Variants in SLC29A4 observed in about 807,000 individuals in gnomAD.
SLC29A4 encodes the protein equilibrative nucleoside transporter 4.
Under a neutral mutation model 43.9 loss-of-function variants are expected in SLC29A4, and 36 were observed. The ratio of observed to expected loss-of-function variants is 0.82; its 90% confidence interval spans 0.63 to 1.08. The LOEUF (loss-of-function observed/expected upper bound fraction) is 1.08. SLC29A4 is among the 50% of genes least tolerant of loss of function. SLC29A4 has a pLI of 0.00. For missense variants in SLC29A4, 869 were observed against 755.3 expected (o/e 1.15, Z -1.77); for synonymous variants, 491 against 338.0 (o/e 1.45, Z -4.97).
At chr7:5,300,691 G>T in intron 10 of SLC29A4, 29 bp downstream of exon 10, 2 of 1,598,906 alleles carry the variant, frequency 1.3e-6, no homozygotes, top group East Asian at 2.2e-5. Flanking sequence ...GGGGGTGGGG[G>T]CGTCCTCCCA....
intron 10 of SLC29A4, 137 bp downstream of exon 10, chr7:5,300,799 T>A: frequency 1.7e-6 from 2 of 1,211,752 alleles, no homozygotes; most frequent in Non-Finnish European, 2.2e-6. Context: ...TGGGAGGCCG[T>A]AGGTGTGGGG....
In SLC29A4 at chr7:5,303,100, T is replaced by C. The variant is rs1376568934; in HGVS notation, c.*161T>C. On this transcript the variant is annotated 3_prime_UTR_variant, in exon 11 of 11. Transcript: ENST00000396872. Reference sequence around the variant, plus strand: ...GGTCCAGCCATGCCCCACCCTGGACTGAAGTTCTGCAAAGTCCTCCGAGGA... The same window carrying C: ...GGTCCAGCCATGCCCCACCCTGGACCGAAGTTCTGCAAAGTCCTCCGAGGA... The C allele has an allele frequency of 3.5e-6, 3 of 848,640 alleles. No individual in the cohort carries two copies. Among genetic ancestry groups the C allele is most frequent in the Non-Finnish European group, 3.6e-6 (2 of 559,508 alleles). 52.6% of individuals were successfully genotyped at this position (848,640 alleles called of 1,614,324 possible).
At chr7:5,287,786 T>G in intron 1 of SLC29A4, 23 bp from the exon 2 acceptor site, 3 of 1,605,006 alleles carry the variant, frequency 1.9e-6, no homozygotes, top group Non-Finnish European at 2.5e-6. Context: ...CCTCACCTGC[T>G]CTCTCTGCTT....
chr7:5,298,797 C>A (rs1474104433), intron 7 of SLC29A4, among the ~76,000 whole-genome samples, 191 bp from the exon 8 acceptor site: 13 of 152,174 alleles, frequency 8.5e-5, no homozygotes, highest in Non-Finnish European at 1.5e-4. Flanking sequence ...AAGACCCTCT[C>A]TCTAAAACAA....
chr7:5,300,091 C>T (rs772740510), intron 9 of SLC29A4, among the ~76,000 whole-genome samples: 2 of 151,886 alleles, frequency 1.3e-5, no homozygotes, highest in Non-Finnish European at 2.9e-5. Context: ...ACTCAGCCAG[C>T]CGTGGTGGTG....
chr7:5,300,722 C>T lies in SLC29A4; in HGVS notation c.1450+60C>T, dbSNP rs189177262. 3.9e-4 allele frequency: 613 copies of T among 1,576,434 alleles called. 1 individual carries two copies. In the African/African-American group the frequency reaches 6.6e-3, roughly 17 times the overall value. On this transcript the variant is annotated intron_variant, in intron 10 of 10. Transcript: ENST00000396872. Reference sequence around the variant, plus strand: ...TCCCAGCAGCGCAATGCCCCCCTCGCGAGGAAACCCAGGCTAGACCGCAGG... The same window carrying T: ...TCCCAGCAGCGCAATGCCCCCCTCGTGAGGAAACCCAGGCTAGACCGCAGG...
intron 5 of SLC29A4, among the ~76,000 whole-genome samples, chr7:5,293,434 T>G (rs1366391749): frequency 6.6e-6 from 1 of 152,168 alleles, no homozygotes; most frequent in Non-Finnish European, 1.5e-5. Context: ...CCTCCCAAAG[T>G]GCTAGGATTA....
intron 7 of SLC29A4, among the ~76,000 whole-genome samples, chr7:5,298,325 G>T (rs1299162274): frequency 6.6e-6 from 1 of 152,202 alleles, no homozygotes; most frequent in Non-Finnish European, 1.5e-5. Flanking sequence ...CACAGGAAGC[G>T]TGTTGGGGCA....
chr7:5,299,546 G>C, intron 9 of SLC29A4, 119 bp downstream of exon 9: 2 of 1,160,786 alleles, frequency 1.7e-6, no homozygotes, highest in Non-Finnish European at 2.4e-6. Flanking sequence ...CAGGTGGAAA[G>C]GGCAAGAGCT....
chr7:5,302,868 C>G lies in SLC29A4; in HGVS notation c.1522C>G (p.Leu508Val). The change falls in exon 11 of 11, where the codon CTC becomes GTC. Residue 508 changes from leucine (L) to valine (V), a missense_variant. Physicochemically the swap from Leu to Val is conservative, Grantham distance 32. Coordinates refer to ENST00000396872, the MANE Select transcript of SLC29A4 (RefSeq NM_153247.4). The stretch of plus-strand genomic sequence containing the variant: ...CGCCGTGGCCTACTGCACCTACAGC[C>G]TCACCCGCGACGCTCACGGCAGCTG... ...GSAVAYCTYS[L>V]TRDAHGSCLH... is the part of the protein sequence containing the mutation. 1 of 1,602,756 alleles carries G rather than the reference C, an allele frequency of 6.2e-7. No individual in the cohort carries two copies. Among genetic ancestry groups the G allele is most frequent in the African/African-American group, 1.3e-5 (1 of 74,832 alleles).
intron 1 of SLC29A4, among the ~76,000 whole-genome samples, chr7:5,287,002 A>T (rs1784995470): frequency 6.6e-6 from 1 of 151,978 alleles, no homozygotes. Context: ...TCTATTTCTC[A>T]CCGTGCCCAC....
rs1181628983 is a variant in SLC29A4, at chr7:5,300,749, A to G, written c.1450+87A>G. 3 of 1,525,676 alleles carry G rather than the reference A, an allele frequency of 2.0e-6. No homozygotes were observed. The African/African-American group carries it at 4.2e-5, about 21-fold the overall frequency. 94.5% of individuals were successfully genotyped at this position (1,525,676 alleles called of 1,614,324 possible). The stretch of plus-strand genomic sequence containing the variant: ...AGGAAACCCAGGCTAGACCGCAGGA[A>G]GGTGCATTTGGGTTCCGGGGGTTCA... On this transcript the variant is annotated intron_variant, in intron 10 of 10. Coordinates refer to ENST00000396872, the MANE Select transcript of SLC29A4 (RefSeq NM_153247.4).
rs758156624 is a variant in SLC29A4, at chr7:5,299,023, C to T, written c.918C>T (p.Ser306=). The T allele has an allele frequency of 2.5e-6, 4 of 1,611,654 alleles. No homozygotes were observed. The highest frequency in any genetic ancestry group is 4.5e-5 in the East Asian group (2 of 44,860). ...HPAPALAPNE[S]PKDSPAHEVT... ...CCCCGGCCCTGGCCCCCAACGAGTC[C>T]CCAAAGGACAGCCCAGCCCACGAGG... Residue 306 remains serine (S), a synonymous_variant, in exon 8 of 11, where the codon TCC becomes TCT. Coordinates refer to ENST00000396872, the MANE Select transcript of SLC29A4 (RefSeq NM_153247.4).
intron 6 of SLC29A4, 109 bp downstream of exon 6, chr7:5,295,043 C>A: frequency 1.0e-6 from 1 of 1,000,650 alleles, no homozygotes; most frequent in Admixed American, 2.5e-5. Context: ...GGGAGGCTCA[C>A]AATCCCTGGG....
chr7:5,294,949 AC>A lies in SLC29A4; in HGVS notation c.619+21del. 1.9e-6 allele frequency: 3 copies of A among 1,592,606 alleles called. No homozygotes were observed. The highest frequency in any genetic ancestry group is 1.1e-5 in the South Asian group (1 of 87,806). On this transcript the variant is annotated intron_variant, in intron 6 of 10. Coordinates refer to ENST00000396872, the MANE Select transcript of SLC29A4 (RefSeq NM_153247.4). ...GACCGGGGAGAGTGAGTATCTGCAGACCCCCCGGGGAGGGGGTGCTGGGCTG... is the reference window on the plus strand; with the variant it reads ...GACCGGGGAGAGTGAGTATCTGCAGACCCCCGGGGAGGGGGTGCTGGGCTG...
rs1168901680 is a variant in SLC29A4, at chr7:5,305,552, C to G, written c.*2613C>G. The G allele has an allele frequency of 3.0e-4, 39 of 130,496 alleles. 1 individual carries two copies. Among genetic ancestry groups the G allele is most frequent in the Non-Finnish European group, 6.5e-5 (4 of 61,846 alleles). 8.1% of individuals were successfully genotyped at this position (130,496 alleles called of 1,614,324 possible). On this transcript the variant is annotated 3_prime_UTR_variant, in exon 11 of 11. Transcript: ENST00000396872. ...GGTAGGCATGGCTGGAAATGTGCAG[C>G]TTTGCTTTTTTTTTTTTTTTTTTTG...
At chr7:5,298,156 C>G (rs914352048) in intron 7 of SLC29A4, among the ~76,000 whole-genome samples, 3 of 152,162 alleles carry the variant, frequency 2.0e-5, no homozygotes, top group African/African-American at 7.2e-5. Context: ...CACCTGGGCC[C>G]TTGGCTGGGG....
At chr7:5,300,722 C>G (rs189177262) in intron 10 of SLC29A4, 60 bp downstream of exon 10, 1 of 1,576,316 alleles carries the variant, frequency 6.3e-7, no homozygotes, top group South Asian at 1.1e-5. Flanking sequence ...GCCCCCCTCG[C>G]GAGGAAACCC....
intron 1 of SLC29A4, among the ~76,000 whole-genome samples, chr7:5,283,660 G>T (rs1167138748): frequency 6.6e-6 from 1 of 152,230 alleles, no homozygotes; most frequent in Non-Finnish European, 1.5e-5. Context: ...CTGCAGAAAG[G>T]GGGTGGCCGG....
Sources: gnomAD v4.1 joint callset for allele counts (sites outside exome capture counted in the v4.1 genomes callset) on GRCh38, gnomAD v4.1.1 for gene constraint, MANE v1.5 for transcripts, NCBI Gene and HGNC (gene_info 2026-07-23, HGNC 2026-07-21) for gene names.